DPP6: variants seen among roughly 807,000 people sequenced by gnomAD.
DPP6 encodes the protein A-type potassium channel modulatory protein DPP6.
Under a neutral mutation model 122.6 loss-of-function variants are expected in DPP6, and 69 were observed. That is an observed-to-expected ratio of 0.56 (90% CI 0.46 to 0.69). The LOEUF is 0.69. Among genes scored for constraint, DPP6 ranks in the 30% least tolerant of loss-of-function variants. DPP6 has a pLI of 0.00. For synonymous variants in DPP6, 418 were observed against 433.1 expected (o/e 0.97, Z 0.43); for missense variants, 928 against 1,116.9 (o/e 0.83, Z 2.41).
intron 21 of DPP6, chr7:154,885,110 C>T (rs1487446810): frequency 6.5e-6 from 1 of 153,078 alleles, no homozygotes; most frequent in Non-Finnish European, 1.5e-5. Flanking sequence ...CTCATCCCCA[C>T]CAAGGGCAGG....
chr7:153,964,643 G>A (rs1020645118), intron 1 of DPP6, among the ~76,000 whole-genome samples: 17 of 152,246 alleles, frequency 1.1e-4, no homozygotes, highest in African/African-American at 4.1e-4. Flanking sequence ...TAGGCTGGTT[G>A]GGCCACCGGC....
Position 154,062,238 on chromosome 7 carries a change from C to G in DPP6, c.243+9175C>G, listed in dbSNP as rs1204908073. Among the ~76,000 whole-genome samples the G allele has an allele frequency of 2.1e-5, 2 of 97,402 alleles. 1 individual carries two copies. The highest frequency in any genetic ancestry group is 2.1e-4 in the Admixed American group (2 of 9,650). The allele number at this position is 97,402 out of a possible 152,430, so 63.9% of individuals were successfully genotyped here. ...GTGTTAGGTGTCCAAGTAGAAAGTT[C>G]AAATCTTCTGACGGCAGGTACCTTA... On this transcript the variant is annotated intron_variant, in intron 1 of 25. Transcript: ENST00000377770.
At chr7:154,211,719 C>A (rs1290136535) in intron 1 of DPP6, among the ~76,000 whole-genome samples, 2 of 152,258 alleles carry the variant, frequency 1.3e-5, no homozygotes, top group South Asian at 2.1e-4. Context: ...ACTCAGAGGA[C>A]CAGTGGCCCT....
intron 1 of DPP6, among the ~76,000 whole-genome samples, chr7:154,077,959 G>C (rs1803689634): frequency 6.6e-6 from 1 of 152,026 alleles, no homozygotes; most frequent in African/African-American, 2.4e-5. Context: ...ATGAGCTACT[G>C]CTCCCGGCCA....
chr7:154,807,642 C>T (rs887075227), intron 16 of DPP6, among the ~76,000 whole-genome samples: 8 of 151,998 alleles, frequency 5.3e-5, no homozygotes, highest in South Asian at 2.1e-4. Flanking sequence ...GCTAACATGG[C>T]GAAATCCCGT....
chr7:154,649,011 A>G (rs758259651), intron 6 of DPP6, among the ~76,000 whole-genome samples: 4 of 151,994 alleles, frequency 2.6e-5, no homozygotes, highest in African/African-American at 4.8e-5. Context: ...CACAAGCAAG[A>G]CTCAGGGCAG....
chr7:154,686,852 T>C (rs974572371), intron 7 of DPP6, among the ~76,000 whole-genome samples: 9 of 152,166 alleles, frequency 5.9e-5, no homozygotes, highest in African/African-American at 1.9e-4. Context: ...AGTAATAAAA[T>C]GAGCACTCAC....
At chr7:154,104,207 G>A (rs1202837543) in intron 1 of DPP6, among the ~76,000 whole-genome samples, 2 of 152,244 alleles carry the variant, frequency 1.3e-5, no homozygotes, top group Non-Finnish European at 2.9e-5. Flanking sequence ...ATGTGGAGAT[G>A]CGTCACCTGT....
chr7:154,853,760 C>G lies in DPP6; in HGVS notation c.1667-20C>G. ...GGCTTCGTTTTTGTTTTCTTCCTGGCTATTCTCTACCCAACACAGGTCCTG... is the reference window on the plus strand; with the variant it reads ...GGCTTCGTTTTTGTTTTCTTCCTGGGTATTCTCTACCCAACACAGGTCCTG... On this transcript the variant is annotated intron_variant, in intron 16 of 25. Coordinates refer to ENST00000377770, the MANE Select transcript of DPP6 (RefSeq NM_130797.4). The G allele has an allele frequency of 6.2e-7, 1 of 1,610,364 alleles. No individual in the cohort carries two copies. Among genetic ancestry groups the G allele is most frequent in the Non-Finnish European group, 8.5e-7 (1 of 1,178,764 alleles).
the DPP6 span, among the ~76,000 whole-genome samples, chr7:153,815,923 A>C: frequency 6.6e-6 from 1 of 152,226 alleles, no homozygotes; most frequent in Non-Finnish European, 1.5e-5. Flanking sequence ...TAGTAGAATA[A>C]GGAATGGCCA....
At chr7:154,392,818 T>C (rs1054734379) in intron 1 of DPP6, among the ~76,000 whole-genome samples, 2 of 152,188 alleles carry the variant, frequency 1.3e-5, no homozygotes, top group African/African-American at 4.8e-5. Flanking sequence ...GCAGGTAATT[T>C]GCAAAATTTC....
chr7:154,876,141 C>T (rs764707947), intron 20 of DPP6, 41 bp downstream of exon 20: 23 of 1,516,886 alleles, frequency 1.5e-5, no homozygotes, highest in African/African-American at 4.1e-5. Flanking sequence ...CGGGAGGGGA[C>T]GGGGCTCCTC....
chr7:154,243,081 G>A (rs77539067), intron 1 of DPP6, among the ~76,000 whole-genome samples: 5,779 of 152,254 alleles, frequency 0.038, 181 homozygotes, highest in East Asian at 0.13. Context: ...TCCATGAAAG[G>A]AAAGACATGA....
chr7:154,610,519 T>C (rs1833840252), intron 5 of DPP6, among the ~76,000 whole-genome samples: 1 of 152,244 alleles, frequency 6.6e-6, no homozygotes, highest in Admixed American at 6.5e-5. Flanking sequence ...TTGTCATTTC[T>C]TGCAGCACCT....
At chr7:154,811,119 A>G (rs766139014) in intron 16 of DPP6, among the ~76,000 whole-genome samples, 1 of 152,264 alleles carries the variant, frequency 6.6e-6, no homozygotes, top group African/African-American at 2.4e-5. Flanking sequence ...AAGTGTTTAC[A>G]TAATAAGCTA....
intron 1 of DPP6, among the ~76,000 whole-genome samples, chr7:153,953,823 GCA>G (rs1200811129): frequency 3.9e-5 from 6 of 152,166 alleles, no homozygotes; most frequent in Non-Finnish European, 4.4e-5. Context: ...GCGTCTACAG[GCA>G]CACATACAAA....
At chr7:154,164,393 T>G (rs1797137811) in intron 1 of DPP6, among the ~76,000 whole-genome samples, 1 of 152,168 alleles carries the variant, frequency 6.6e-6, no homozygotes, top group Admixed American at 6.5e-5. Flanking sequence ...CCAACCTATT[T>G]AAAACATTGT....
At chr7:153,758,509 T>G in the DPP6 span, among the ~76,000 whole-genome samples, 7 of 152,234 alleles carry the variant, frequency 4.6e-5, no homozygotes, top group East Asian at 1.4e-3. Context: ...TGTGATCTGT[T>G]TCTCCCTAAC....
At chr7:154,461,968 T>C (rs929786360) in intron 2 of DPP6, among the ~76,000 whole-genome samples, 4 of 152,212 alleles carry the variant, frequency 2.6e-5, no homozygotes, top group Non-Finnish European at 5.9e-5. Flanking sequence ...TCCCCAATTT[T>C]TTTTTAAGTA....
Sources: allele counts gnomAD v4.1 joint callset (sites outside exome capture counted in the v4.1 genomes callset), GRCh38; gene constraint gnomAD v4.1.1; transcripts MANE v1.5; gene names NCBI Gene and HGNC (gene_info 2026-07-23, HGNC 2026-07-21).